EDN3: variants seen among roughly 807,000 people sequenced by gnomAD.
EDN3 encodes the protein endothelin-3.
EDN3 carries 9 observed loss-of-function variants against 21.4 expected under a neutral mutation model. The observed-to-expected ratio is 0.42, with a 90% CI of 0.25 to 0.73. The LOEUF (loss-of-function observed/expected upper bound fraction) is 0.73, where lower values mean the gene tolerates loss of function less well. Among genes scored for constraint, EDN3 ranks in the 30% least tolerant of loss-of-function variants. The pLI is 0.26. For missense variants in EDN3, 327 were observed against 309.4 expected (o/e 1.06, Z -0.43); for synonymous variants, 133 against 126.2 (o/e 1.05, Z -0.36).
chr20:59,315,033 CCTGT>C (rs1229016607), intron 2 of EDN3, among the ~76,000 whole-genome samples: 3 of 152,090 alleles, frequency 2.0e-5, no homozygotes, highest in African/African-American at 4.8e-5. Context: ...TCTATTTCAC[CCTGT>C]CTTAGTCATT....
In EDN3 at chr20:59,325,481, G is replaced by C. The variant is rs1202539469; in HGVS notation, c.*1022G>C. On this transcript the variant is annotated 3_prime_UTR_variant, in exon 5 of 5. Coordinates refer to ENST00000337938, the MANE Select transcript of EDN3 (RefSeq NM_207034.3). ...ATGTAAAGTCGCCTGCGCAGGGGAG[G>C]GCTGCCCATCTCCCCAACCCAGTCA... 6.6e-6 allele frequency: 1 copy of C among 152,168 alleles called. No homozygotes were observed. Among genetic ancestry groups the C allele is most frequent in the Non-Finnish European group, 1.5e-5 (1 of 68,026 alleles). The allele number at this position is 152,168 out of a possible 1,614,324, so 9.4% of individuals were successfully genotyped here.
At chr20:59,312,497 G>A (rs1989899039) in intron 2 of EDN3, among the ~76,000 whole-genome samples, 1 of 152,210 alleles carries the variant, frequency 6.6e-6, no homozygotes, top group Non-Finnish European at 1.5e-5. Flanking sequence ...AGGTGCCTGT[G>A]TTAGGGGAGG....
chr20:59,306,603 A>G (rs983634728), intron 2 of EDN3, among the ~76,000 whole-genome samples: 1 of 112,540 alleles, frequency 8.9e-6, no homozygotes, highest in African/African-American at 2.7e-5. Context: ...AGTAAAAAAA[A>G]AAAAAAAAAA....
rs550861256 is a variant in EDN3, at chr20:59,303,649, T to G, written c.365+1927T>G. The stretch of plus-strand genomic sequence containing the variant: ...CACTGGCTGGGGAGGAAGTGATGAC[T>G]TGAGACATGTCTGAGAGTCTCAACC... On this transcript the variant is annotated intron_variant, in intron 2 of 4. Coordinates refer to ENST00000337938, the MANE Select transcript of EDN3 (RefSeq NM_207034.3). 1.0e-3 allele frequency among the ~76,000 whole-genome samples: 159 copies of G among 152,334 alleles called. 1 individual carries two copies. The South Asian group carries it at 0.011, about 11-fold the overall frequency.
In EDN3 at chr20:59,301,479, G is replaced by T. The variant is rs747096907; in HGVS notation, c.122G>T (p.Arg41Ile). Reference sequence around the variant, plus strand: ...GTGTCCCAGGCCCCCACTGCAGCCAGATCTGAGGGGGACTGTGAAGAGACT... The same window carrying T: ...GTGTCCCAGGCCCCCACTGCAGCCATATCTGAGGGGGACTGTGAAGAGACT... ...RGVSQAPTAA[R>I]SEGDCEETVA... Residue 41 changes from arginine (R) to isoleucine (I), a missense_variant, in exon 2 of 5, where the codon AGA (arginine) becomes ATA (isoleucine). By Grantham distance (97) the Arg-to-Ile change is moderately conservative (BLOSUM62 -3). Coordinates refer to ENST00000337938, the MANE Select transcript of EDN3 (RefSeq NM_207034.3). 5.6e-6 allele frequency: 9 copies of T among 1,613,252 alleles called. No homozygotes were observed. The South Asian group carries it at 9.9e-5, about 18-fold the overall frequency.
In EDN3 at chr20:59,321,124, G is replaced by T. The variant is rs1329097336; in HGVS notation, c.473G>T (p.Arg158Leu). 1.2e-6 allele frequency: 2 copies of T among 1,614,238 alleles called. No homozygotes were observed. The highest frequency in any genetic ancestry group is 1.7e-6 in the Non-Finnish European group (2 of 1,180,040). ...NLQLSHRPHL[R>L]CACVGRYDKA... ...CAGCTCTCACATCGGCCACACTTGC[G>T]CTGCGCTTGTGTGGGGAGATATGAC... Residue 158 changes from arginine to leucine, a missense_variant, in exon 3 of 5, where the codon CGC becomes CTC. Transcript: ENST00000337938.
intron 2 of EDN3, among the ~76,000 whole-genome samples, chr20:59,312,999 C>A (rs1989932827): frequency 1.3e-5 from 2 of 152,160 alleles, no homozygotes; most frequent in African/African-American, 4.8e-5. Flanking sequence ...CTGATGTGGC[C>A]TGCAGGAGTT....
In EDN3 at chr20:59,324,645, T is replaced by C. The variant is rs1990744486; in HGVS notation, c.*186T>C. Reference sequence around the variant, plus strand: ...GCCCAAATCCGAATGACCCCAGTTTTCCTAATGAGTAAAATGATCCCAGAT... The same window carrying C: ...GCCCAAATCCGAATGACCCCAGTTTCCCTAATGAGTAAAATGATCCCAGAT... On this transcript the variant is annotated 3_prime_UTR_variant, in exon 5 of 5. Coordinates refer to ENST00000337938, the MANE Select transcript of EDN3 (RefSeq NM_207034.3). The C allele has an allele frequency of 1.4e-6, 1 of 740,134 alleles. No homozygotes were observed. Among genetic ancestry groups the C allele is most frequent in the Admixed American group, 2.3e-5 (1 of 43,716 alleles). The allele number at this position is 740,134 out of a possible 1,614,324, so 45.8% of individuals were successfully genotyped here.
At chr20:59,313,259 A>G (rs1989947522) in intron 2 of EDN3, among the ~76,000 whole-genome samples, 1 of 152,216 alleles carries the variant, frequency 6.6e-6, no homozygotes, top group African/African-American at 2.4e-5. Context: ...ATTTTGAGCC[A>G]GACATGGTGT....
chr20:59,313,834 T>C (rs1989998097), intron 2 of EDN3, among the ~76,000 whole-genome samples: 1 of 152,238 alleles, frequency 6.6e-6, no homozygotes, highest in African/African-American at 2.4e-5. Context: ...TGTTCTCTGC[T>C]TATATAATGA....
Position 59,322,492 on chromosome 20 carries a change from G to A in EDN3, c.588+75G>A, listed in dbSNP as rs1600760300. ...TGTCATTCCTTCGGGGGTGGGTGGAGGGTGTTTTGAGGGGATGGCATCTGG... is the reference window on the plus strand; with the variant it reads ...TGTCATTCCTTCGGGGGTGGGTGGAAGGTGTTTTGAGGGGATGGCATCTGG... On this transcript the variant is annotated intron_variant, in intron 4 of 4. Coordinates refer to ENST00000337938, the MANE Select transcript of EDN3 (RefSeq NM_207034.3). This position sits in a 1 kb window ranked among gnomAD's most constrained non-coding sequence, Gnocchi z 4.1. 5 of 1,600,670 alleles carry A rather than the reference G, an allele frequency of 3.1e-6. No individual in the cohort carries two copies. Among genetic ancestry groups the A allele is most frequent in the Non-Finnish European group, 3.4e-6 (4 of 1,168,748 alleles).
At chr20:59,321,588 A>G (rs901403571) in intron 3 of EDN3, among the ~76,000 whole-genome samples, 1 of 151,634 alleles carries the variant, frequency 6.6e-6, no homozygotes, top group African/African-American at 2.4e-5. Flanking sequence ...CCATGATAAG[A>G]GTGCAAAAGG....
chr20:59,321,231 T>C, intron 3 of EDN3, 38 bp downstream of exon 3: 5 of 1,611,414 alleles, frequency 3.1e-6, no homozygotes, highest in Non-Finnish European at 4.2e-6. Flanking sequence ...TTTGCAGATA[T>C]GCATCAACCC....
intron 4 of EDN3, chr20:59,323,731 A>C: frequency 5.0e-6 from 2 of 401,372 alleles, no homozygotes. Flanking sequence ...CAGGTAGGGG[A>C]ACCGGTGAGT....
Position 59,322,261 on chromosome 20 carries a change from G to T in EDN3, c.543-111G>T. 1 of 1,205,614 alleles carries T rather than the reference G, an allele frequency of 8.3e-7. No individual in the cohort carries two copies. 74.7% of individuals were successfully genotyped at this position (1,205,614 alleles called of 1,614,324 possible). On this transcript the variant is annotated intron_variant, in intron 3 of 4. Coordinates refer to ENST00000337938, the MANE Select transcript of EDN3 (RefSeq NM_207034.3). This position sits in a 1 kb window ranked among gnomAD's most constrained non-coding sequence, Gnocchi z 4.1. The stretch of plus-strand genomic sequence containing the variant: ...CTGTGCCTGAGACGCAGTCCTTGGG[G>T]AACGCACTAATGTGCTCATTGGTGG...
At position 59,324,291 on chromosome 20, in the gene EDN3, C is replaced by T. The variant is rs11570350; in HGVS notation, c.589-40C>T. 2,838 of 1,613,722 alleles carry T rather than the reference C, an allele frequency of 1.8e-3. 49 individuals are homozygous for T. In the African/African-American group the frequency reaches 0.034, roughly 19 times the overall value. On this transcript the variant is annotated intron_variant, in intron 4 of 4. Transcript: ENST00000337938. ...TACAGAGCTACACTTTCATAACATA[C>T]CTTTCTTTTTTTTTCTTTTGCCCCC...
intron 2 of EDN3, 121 bp downstream of exon 2, chr20:59,301,843 A>G (rs1989068765): frequency 3.4e-6 from 4 of 1,177,028 alleles, no homozygotes; most frequent in Non-Finnish European, 3.8e-6. Context: ...GCCCTGGCAC[A>G]GCCTTTAGCT....
In EDN3 at chr20:59,324,516, G is replaced by A. The variant is rs1990734099; in HGVS notation, c.*57G>A. The A allele has an allele frequency of 2.5e-6, 4 of 1,610,796 alleles. No individual in the cohort carries two copies. The highest frequency in any genetic ancestry group is 3.4e-6 in the Non-Finnish European group (4 of 1,178,014). ...AGGCTTCTGTCATTGCTCACACACA[G>A]TTCAGATTTCCACCTCTTTATAGAC... On this transcript the variant is annotated 3_prime_UTR_variant, in exon 5 of 5. Coordinates refer to ENST00000337938, the MANE Select transcript of EDN3 (RefSeq NM_207034.3).
chr20:59,324,247 T>C lies in EDN3; in HGVS notation c.589-84T>C, dbSNP rs11570349. ...GGAGAGGCAGTGGGAAGACGTTCCC[T>C]TTTTCAGCTTCACAGAACTACAGAG... is the stretch of plus-strand genomic sequence containing the variant. On this transcript the variant is annotated intron_variant, in intron 4 of 4. Transcript: ENST00000337938. 1,710 of 1,569,644 alleles carry C rather than the reference T, an allele frequency of 1.1e-3. 1 individual carries two copies. The highest frequency in any genetic ancestry group is 1.4e-3 in the Non-Finnish European group (1,608 of 1,141,892).
Sources: allele counts gnomAD v4.1 joint callset (sites outside exome capture counted in the v4.1 genomes callset), GRCh38; gene constraint gnomAD v4.1.1; non-coding constraint Gnocchi (gnomAD v3.1); transcripts MANE v1.5; gene names NCBI Gene and HGNC (gene_info 2026-07-23, HGNC 2026-07-21).